DDX1: variants seen among roughly 807,000 people sequenced by gnomAD.
DDX1 encodes the protein DEAD-box helicase 1, also known as ATP-dependent RNA helicase DDX1.
In DDX1, 28 loss-of-function variants were observed where a neutral mutation model predicts 108.7. The ratio of observed to expected loss-of-function variants is 0.26; its 90% CI spans 0.19 to 0.35. DDX1 has a LOEUF of 0.35. DDX1 is among the 10% of genes least tolerant of loss of function. DDX1 has a pLI of 1.00. For missense variants in DDX1, 710 were observed against 884.5 expected (o/e 0.80, Z 2.50); for synonymous variants, 295 against 288.9 (o/e 1.02, Z -0.21).
intron 6 of DDX1, among the ~76,000 whole-genome samples, chr2:15,600,746 T>C (rs1429114196): frequency 3.8e-5 from 5 of 129,912 alleles, no homozygotes; most frequent in African/African-American, 5.7e-5. Context: ...TTTTCTTTTT[T>C]TTTTTTTTTT....
chr2:15,595,424 T>C, intron 2 of DDX1, 66 bp from the exon 3 acceptor site: 3 of 1,318,756 alleles, frequency 2.3e-6, no homozygotes, highest in Non-Finnish European at 3.3e-6. Flanking sequence ...CAAATTAACG[T>C]GACTTAATTT....
chr2:15,597,891 C>G (rs1665526563), intron 5 of DDX1, among the ~76,000 whole-genome samples: 1 of 151,818 alleles, frequency 6.6e-6, no homozygotes, highest in Non-Finnish European at 1.5e-5. Context: ...TTTTTTTCCT[C>G]TAAGATAAGA....
chr2:15,617,072 C>G (rs936331290), intron 14 of DDX1, among the ~76,000 whole-genome samples, 172 bp from the exon 15 acceptor site: 7 of 150,562 alleles, frequency 4.6e-5, no homozygotes, highest in Non-Finnish European at 1.0e-4. Context: ...AACCAAGTAT[C>G]AGTTGAACAT....
chr2:15,595,698 G>A (rs928045402), intron 3 of DDX1, 145 bp downstream of exon 3: 5 of 628,862 alleles, frequency 8.0e-6, no homozygotes, highest in Non-Finnish European at 1.4e-5. Flanking sequence ...CTTCAAACAG[G>A]TAAGTATTTA....
chr2:15,630,045 A>G lies in DDX1; in HGVS notation c.2027A>G (p.Asp676Gly). 1 of 1,613,234 alleles carries G rather than the reference A, an allele frequency of 6.2e-7. No homozygotes were observed. The stretch of plus-strand genomic sequence containing the variant: ...TGTACCATTTCTCAGGTTGAGCCGG[A>G]TATAAAGGTACCAGTGGATGAATTT... ...LNCTISQVEP[D>G]IKVPVDEFDG... Residue 676 changes from aspartate to glycine, a missense_variant, in exon 25 of 26, where the codon GAT becomes GGT. This residue lies in a region of DDX1 where 661 missense variants were observed against 810.2 expected (regional missense o/e 0.82). Transcript: ENST00000233084.
chr2:15,595,655 T>C (rs1665485605), intron 3 of DDX1, 102 bp downstream of exon 3: 1 of 849,506 alleles, frequency 1.2e-6, no homozygotes, highest in Admixed American at 1.8e-5. Context: ...ACATTTATGA[T>C]ACATATACTG....
intron 12 of DDX1, among the ~76,000 whole-genome samples, 185 bp from the exon 13 acceptor site, chr2:15,606,990 A>C (rs780697930): frequency 6.6e-6 from 1 of 152,130 alleles, no homozygotes; most frequent in Non-Finnish European, 1.5e-5. Flanking sequence ...CACCAGCCCA[A>C]ATAGTTTTAA....
intron 13 of DDX1, among the ~76,000 whole-genome samples, chr2:15,610,892 T>A (rs1016815357): frequency 9.9e-5 from 15 of 151,700 alleles, no homozygotes; most frequent in East Asian, 9.7e-4. Context: ...TTTTTTAATT[T>A]ATTTATTTTT....
chr2:15,610,131 T>A (rs1040913391), intron 13 of DDX1, among the ~76,000 whole-genome samples: 1 of 152,148 alleles, frequency 6.6e-6, no homozygotes, highest in Non-Finnish European at 1.5e-5. Context: ...ATGGTCTTGC[T>A]ATGTTGTGCA....
rs1354899622 is a variant in DDX1 at position 15,628,848 on chromosome 2, T to G, written c.1875+9T>G. On this transcript the variant is annotated intron_variant, in intron 23 of 25. Transcript: ENST00000233084. ...CAACAGAAAAAGAAAAGGTAATCTT[T>G]GTAGGGCTCTATTATATTCATTGTG... The G allele has an allele frequency of 6.2e-7, 1 of 1,610,288 alleles. No individual in the cohort carries two copies. Among genetic ancestry groups the G allele is most frequent in the Non-Finnish European group, 8.5e-7 (1 of 1,176,686 alleles).
intron 1 of DDX1, 122 bp downstream of exon 1, chr2:15,592,071 T>A: frequency 1.1e-6 from 1 of 925,592 alleles, no homozygotes; most frequent in Non-Finnish European, 1.5e-6. Flanking sequence ...AAGGGCGCTG[T>A]CCGCTGCAGT....
At chr2:15,605,855 G>A (rs950525176) in intron 10 of DDX1, 95 bp from the exon 11 acceptor site, 2 of 810,896 alleles carry the variant, frequency 2.5e-6, no homozygotes, top group African/African-American at 1.7e-5. Context: ...CAGGAGAGAG[G>A]CATGAATGCA....
At chr2:15,614,877 A>AT (rs939619591) in intron 14 of DDX1, among the ~76,000 whole-genome samples, 1 of 152,212 alleles carries the variant, frequency 6.6e-6, no homozygotes, top group Non-Finnish European at 1.5e-5. Flanking sequence ...CCTCAAACCC[A>AT]TTTTTCCCAT....
chr2:15,619,341 C>T (rs1665952464), intron 16 of DDX1, among the ~76,000 whole-genome samples: 1 of 152,210 alleles, frequency 6.6e-6, no homozygotes, highest in Non-Finnish European at 1.5e-5. Flanking sequence ...GGCCAGGGTC[C>T]AGAGTGGTGG....
rs777154018 is a variant in DDX1, at chr2:15,602,506, C to T, written c.308-42C>T. The T allele has an allele frequency of 4.2e-6, 6 of 1,445,200 alleles. No individual in the cohort carries two copies. In the Middle Eastern group the frequency reaches 6.9e-4, roughly 167 times the overall value. The allele number at this position is 1,445,200 out of a possible 1,614,324, so 89.5% of individuals were successfully genotyped here. On this transcript the variant is annotated intron_variant, in intron 6 of 25. Transcript: ENST00000233084. ...GGGTGGGAATGTATGATTTATAAAA[C>T]CTGTACTGACGTGTTTTTCTGTGTT...
At chr2:15,627,167 T>G (rs371730359) in intron 20 of DDX1, 22 bp downstream of exon 20, 183 of 1,380,200 alleles carry the variant, frequency 1.3e-4, no homozygotes, top group Non-Finnish European at 1.8e-4. Context: ...TAGTTGATTG[T>G]TTCCTTAATA....
At chr2:15,607,490 GGTAA>G (rs1272222545) in intron 13 of DDX1, among the ~76,000 whole-genome samples, 177 bp downstream of exon 13, 2 of 142,502 alleles carry the variant, frequency 1.4e-5, no homozygotes, top group Non-Finnish European at 3.0e-5. Flanking sequence ...TTTGCTAAAT[GGTAA>G]GTATGATTTT....
At chr2:15,617,852 C>G (rs1665926578) in intron 15 of DDX1, among the ~76,000 whole-genome samples, 1 of 152,088 alleles carries the variant, frequency 6.6e-6, no homozygotes, top group Admixed American at 6.6e-5. Context: ...TTCCTCAGCA[C>G]TGAGGGTTTT....
Position 15,621,045 on chromosome 2 carries a change from T to C in DDX1, c.1396-20T>C. On this transcript the variant is annotated intron_variant, in intron 17 of 25. Transcript: ENST00000233084. ...ATTTAACCACTCCTCTATCCTGTTT[T>C]TATTCCTTGCTTTTGATAGACTGAT... is the stretch of plus-strand genomic sequence containing the variant. 6.4e-7 allele frequency: 1 copy of C among 1,568,500 alleles called. No individual in the cohort carries two copies. Among genetic ancestry groups the C allele is most frequent in the Non-Finnish European group, 8.8e-7 (1 of 1,141,282 alleles).
Sources: gnomAD v4.1 joint callset for allele counts (sites outside exome capture counted in the v4.1 genomes callset) on GRCh38, gnomAD v4.1.1 for gene constraint, gnomAD v4.1.1 regional missense constraint, MANE v1.5 for transcripts, NCBI Gene and HGNC (gene_info 2026-07-23, HGNC 2026-07-21) for gene names.